The following GINM1 variants were observed in gnomAD, a reference collection of about 807,000 sequenced individuals.
GINM1 encodes glycosylated integral membrane protein 1.
Under a neutral mutation model 37.8 loss-of-function variants are expected in GINM1, and 29 were observed. The observed-to-expected ratio is 0.77, with a 90% CI of 0.57 to 1.05. The LOEUF (loss-of-function observed/expected upper bound fraction) is 1.05. Among genes scored for constraint, GINM1 ranks in the 50% least tolerant of loss-of-function variants. The pLI is 0.00. For missense variants in GINM1, 377 were observed against 397.9 expected (o/e 0.95, Z 0.45); for synonymous variants, 143 against 146.2 (o/e 0.98, Z 0.16).
chr6:149,567,330 A>G (rs1403869101), intron 1 of GINM1, among the ~76,000 whole-genome samples: 1 of 152,190 alleles, frequency 6.6e-6, no homozygotes, highest in East Asian at 1.9e-4. Context: ...AAGTTTGAAT[A>G]TTTTAAAGAG....
chr6:149,566,408 G>C lies in GINM1; in HGVS notation c.-7G>C. The C allele has an allele frequency of 6.4e-7, 1 of 1,564,726 alleles. No individual in the cohort carries two copies. The highest frequency in any genetic ancestry group is 8.6e-7 in the Non-Finnish European group (1 of 1,166,396). ...GCCGCGGCTGCCCTCTGCCCGGGTT[G>C]TCCAAGATGGAGGGCGCTCCACCGG... On this transcript the variant is annotated 5_prime_UTR_variant, in exon 1 of 8. Transcript: ENST00000367419. This position sits in a 1 kb window ranked among gnomAD's most constrained non-coding sequence, Gnocchi z 4.4.
intron 7 of GINM1, among the ~76,000 whole-genome samples, chr6:149,590,003 A>C (rs1392181757): frequency 2.6e-5 from 4 of 151,976 alleles, no homozygotes; most frequent in Admixed American, 2.6e-4. Flanking sequence ...GGGTTTTGCC[A>C]TGTTTCCCAG....
In GINM1 at chr6:149,584,953, G is replaced by A. The variant is rs1007301681; in HGVS notation, c.881+2350G>A. On this transcript the variant is annotated intron_variant, in intron 7 of 7. Transcript: ENST00000367419. ...TAGGATTACAGGTGTGAACCACTGT[G>A]CCTGGCCAAGCATTTTCTTTAAGTA... Among the ~76,000 whole-genome samples the A allele has an allele frequency of 3.9e-5, 6 of 152,000 alleles. No homozygotes were observed. In the South Asian group the frequency reaches 1.0e-3, roughly 26 times the overall value.
At chr6:149,574,175 C>G (rs183384079) in intron 3 of GINM1, among the ~76,000 whole-genome samples, 1 of 151,510 alleles carries the variant, frequency 6.6e-6, no homozygotes, top group African/African-American at 2.4e-5. Flanking sequence ...CTCAGCCTCC[C>G]GAGTAGCTTG....
Position 149,578,827 on chromosome 6 carries a change from A to G in GINM1, c.283A>G (p.Asn95Asp), listed in dbSNP as rs1777955641. The G allele has an allele frequency of 7.0e-6, 11 of 1,571,496 alleles. No individual in the cohort carries two copies. Among genetic ancestry groups the G allele is most frequent in the Admixed American group, 1.8e-5 (1 of 55,252 alleles). The change falls in exon 4 of 8, where the codon AAT becomes GAT. Residue 95 changes from asparagine (N) to aspartate (D), a missense_variant. By Grantham distance (23) the Asn-to-Asp change is conservative. Coordinates refer to ENST00000367419, the MANE Select transcript of GINM1 (RefSeq NM_138785.5). ...CACTACTTTTTTTTTTATAGTGAAG[A>G]ATGAAAATCTTGAAAATTTGGAGGA... ...RISCQTLIVK[N>D]ENLENLEEKE...
intron 7 of GINM1, among the ~76,000 whole-genome samples, chr6:149,584,849 G>A (rs924206679): frequency 1.3e-5 from 2 of 150,582 alleles, no homozygotes; most frequent in Non-Finnish European, 3.0e-5. Flanking sequence ...AGAGAGACAC[G>A]GGGATCTTGC....
At chr6:149,587,297 G>A (rs1778082949) in intron 7 of GINM1, among the ~76,000 whole-genome samples, 1 of 152,044 alleles carries the variant, frequency 6.6e-6, no homozygotes, top group Non-Finnish European at 1.5e-5. Flanking sequence ...ACACCAGCTG[G>A]GTGTCCTCTA....
intron 6 of GINM1, among the ~76,000 whole-genome samples, chr6:149,581,747 C>T (rs1778005907): frequency 6.6e-6 from 1 of 152,116 alleles, no homozygotes; most frequent in Admixed American, 6.5e-5. Flanking sequence ...TAGACTCCTA[C>T]CCAAAATTCA....
intron 1 of GINM1, among the ~76,000 whole-genome samples, chr6:149,572,027 G>C (rs1416894837): frequency 6.6e-6 from 1 of 151,984 alleles, no homozygotes; most frequent in Non-Finnish European, 1.5e-5. Flanking sequence ...ATTGCAGTGA[G>C]CCCAGATTGC....
At position 149,590,862 on chromosome 6, in the gene GINM1, C is replaced by T; in HGVS notation, c.*24C>T. The stretch of plus-strand genomic sequence containing the variant: ...AAAACGCCATCTCATATCATGGACT[C>T]CGAAGTAGCCTGTTGCCTCCAAATT... On this transcript the variant is annotated 3_prime_UTR_variant, in exon 8 of 8. Coordinates refer to ENST00000367419, the MANE Select transcript of GINM1 (RefSeq NM_138785.5). 1 of 1,117,514 alleles carries T rather than the reference C, an allele frequency of 8.9e-7. No individual in the cohort carries two copies. Among genetic ancestry groups the T allele is most frequent in the Non-Finnish European group, 1.4e-6 (1 of 740,438 alleles). 69.2% of individuals were successfully genotyped at this position (1,117,514 alleles called of 1,614,324 possible).
At chr6:149,578,998 G>C (rs763805220) in intron 4 of GINM1, 25 bp downstream of exon 4, 2 of 1,360,074 alleles carry the variant, frequency 1.5e-6, no homozygotes, top group East Asian at 4.7e-5. Context: ...TTATTAATTG[G>C]GAATTAAATG....
intron 1 of GINM1, among the ~76,000 whole-genome samples, chr6:149,570,134 TTTTATATATATATATATATATATATATA>T (rs1434063713): frequency 2.9e-4 from 28 of 96,132 alleles, no homozygotes; most frequent in African/African-American, 1.3e-3. Context: ...ACTAGGTAGG[TTTTATATATATATATATATATATATATA>T]TATATATATA....
chr6:149,591,381 T>C lies in GINM1; in HGVS notation c.*543T>C, dbSNP rs1359807380. 6.6e-6 allele frequency: 1 copy of C among 151,724 alleles called. No homozygotes were observed. The highest frequency in any genetic ancestry group is 2.4e-5 in the African/African-American group (1 of 41,294). The allele number at this position is 151,724 out of a possible 1,614,324, so 9.4% of individuals were successfully genotyped here. A position where few individuals can be genotyped will look rare whatever the true frequency, so the allele number is the denominator to read the frequency against. ...AAAACTTAAAGTGGAAGAGAACACA[T>C]GTGAAGAGACTTTGAAATTATCAAA... On this transcript the variant is annotated 3_prime_UTR_variant, in exon 8 of 8. Transcript: ENST00000367419.
chr6:149,575,510 G>A (rs1777901016), intron 3 of GINM1, among the ~76,000 whole-genome samples: 4 of 152,170 alleles, frequency 2.6e-5, no homozygotes, highest in Admixed American at 2.6e-4. Context: ...CTCTCCACCT[G>A]TTCTGTCTGG....
At chr6:149,587,606 G>A (rs1478961985) in intron 7 of GINM1, among the ~76,000 whole-genome samples, 1 of 152,200 alleles carries the variant, frequency 6.6e-6, no homozygotes, top group Non-Finnish European at 1.5e-5. Context: ...AAGACATGGG[G>A]AGGGGGAGAG....
chr6:149,572,390 A>C, intron 2 of GINM1, 46 bp downstream of exon 2: 8 of 1,370,102 alleles, frequency 5.8e-6, no homozygotes, highest in African/African-American at 1.5e-5. Flanking sequence ...GCTAAGTGCT[A>C]TGCAGCTTAT....
At chr6:149,571,936 C>T (rs1777828517) in intron 1 of GINM1, among the ~76,000 whole-genome samples, 2 of 151,926 alleles carry the variant, frequency 1.3e-5, no homozygotes, top group South Asian at 4.2e-4. Flanking sequence ...CAAACATTAG[C>T]TGGGTGTGGT....
At chr6:149,582,331 T>A in intron 6 of GINM1, 109 bp from the exon 7 acceptor site, 4 of 953,122 alleles carry the variant, frequency 4.2e-6, no homozygotes, top group Non-Finnish European at 4.9e-6. Context: ...ACCAGCACAA[T>A]CAAAATATAG....
At chr6:149,573,041 G>C (rs1255480484) in intron 3 of GINM1, among the ~76,000 whole-genome samples, 1 of 152,182 alleles carries the variant, frequency 6.6e-6, no homozygotes, top group Admixed American at 6.5e-5. Context: ...AGTAAAAATA[G>C]GCTGGGTGCA....
Sources: gnomAD v4.1 joint callset for allele counts (sites outside exome capture counted in the v4.1 genomes callset) on GRCh38, gnomAD v4.1.1 for gene constraint, Gnocchi (gnomAD v3.1) non-coding constraint, MANE v1.5 for transcripts, NCBI Gene and HGNC (gene_info 2026-07-23, HGNC 2026-07-21) for gene names.